The following STARD13 variants were observed in gnomAD, a reference collection of about 807,000 sequenced individuals.
STARD13 encodes the protein stAR-related lipid transfer protein 13.
In STARD13, 62 loss-of-function variants were observed where a neutral mutation model predicts 106.4. That is an observed-to-expected ratio of 0.58 (90% confidence interval 0.48 to 0.72). The LOEUF is 0.72. STARD13 is among the 30% of genes least tolerant of loss of function. STARD13 has a pLI of 0.00. For synonymous variants in STARD13, 565 were observed against 553.0 expected (o/e 1.02, Z -0.31); for missense variants, 1,387 against 1,424.0 (o/e 0.97, Z 0.42).
intron 1 of STARD13, chr13:33,277,920 T>C (rs1432181987): frequency 6.6e-6 from 1 of 152,236 alleles, no homozygotes; most frequent in Admixed American, 6.5e-5. Context: ...AGTTGACTTT[T>C]AAAGTATTTG....
chr13:33,214,255 T>G (rs1255765519), intron 1 of STARD13, among the ~76,000 whole-genome samples: 1 of 152,208 alleles, frequency 6.6e-6, no homozygotes, highest in Non-Finnish European at 1.5e-5. Context: ...GTTTTATATC[T>G]GACTGCTTTC....
intron 1 of STARD13, among the ~76,000 whole-genome samples, chr13:33,249,277 T>G (rs9527281): frequency 0.4 from 60,779 of 151,988 alleles, 12,466 homozygotes; most frequent in Admixed American, 0.46. Flanking sequence ...ACACACTAAC[T>G]CACGATGACT....
chr13:33,613,147 T>C, the STARD13 span, among the ~76,000 whole-genome samples: 19 of 152,170 alleles, frequency 1.2e-4, 1 homozygote, highest in African/African-American at 3.4e-4. Flanking sequence ...AAGCAGCCAA[T>C]AGGAATAAAA....
At position 33,110,804 on chromosome 13, in the gene STARD13, GC is replaced by G; in HGVS notation, c.2710del (p.Ala904GlnfsTer7). 6.2e-7 allele frequency: 1 copy of G among 1,614,094 alleles called. No homozygotes were observed. Among genetic ancestry groups the G allele is most frequent in the Non-Finnish European group, 8.5e-7 (1 of 1,179,982 alleles). ...ATGGTTCAGGTAAGTGTGGAAAGTT[GC>G]CCCACTCTCCTCCAGCTGTGTCCCC... The part of the protein sequence containing the change: ...ELGTQLEESG[A>X]TFHTYLNHLI... On this transcript the variant is annotated frameshift_variant, in exon 11 of 14. Coordinates refer to ENST00000336934, the MANE Select transcript of STARD13 (RefSeq NM_178006.4). LOFTEE classifies it high-confidence loss of function.
rs59617947 is a variant in STARD13, at chr13:33,187,855, G to A, written c.170-20233C>T. Among the ~76,000 whole-genome samples the A allele has an allele frequency of 4.7e-3, 715 of 152,172 alleles. 8 individuals are homozygous for A. The highest frequency in any genetic ancestry group is 0.016 in the African/African-American group (685 of 41,516). On this transcript the variant is annotated intron_variant, in intron 1 of 13. Transcript: ENST00000336934. Reference sequence around the variant, plus strand: ...GTGCCACCACACCCAGCTAATTTTTGTATTTTTTAGTAGAGACAGGGTTTT... The same window carrying A: ...GTGCCACCACACCCAGCTAATTTTTATATTTTTTAGTAGAGACAGGGTTTT...
the STARD13 span, among the ~76,000 whole-genome samples, chr13:33,358,216 A>G: frequency 1.3e-5 from 2 of 152,140 alleles, no homozygotes; most frequent in Admixed American, 6.5e-5. Context: ...CTGCCTTCCC[A>G]TGGGGCAGGG....
At chr13:33,404,302 A>G in the STARD13 span, among the ~76,000 whole-genome samples, 232 of 152,314 alleles carry the variant, frequency 1.5e-3, 3 homozygotes, top group East Asian at 0.034. Flanking sequence ...TTGCCTTTTA[A>G]AGTCTTTTTT....
chr13:33,167,557 A>G lies in STARD13; in HGVS notation c.235T>C (p.Tyr79His). 1 of 1,614,154 alleles carries G rather than the reference A, an allele frequency of 6.2e-7. No homozygotes were observed. Among genetic ancestry groups the G allele is most frequent in the Admixed American group, 1.7e-5 (1 of 60,032 alleles). ...AAGCGAAGGGCTGACGTACCCTCAT[A>G]TAACTGAGCGTATTGCGGGAACCCG... ...AAGFPQYAQLYEDSQFPINIV... is the reference protein window; with the variant it reads ...AAGFPQYAQLHEDSQFPINIV... The change falls in exon 2 of 14, where the codon TAT (tyrosine) becomes CAT (histidine). Residue 79 changes from tyrosine to histidine, a missense_variant. Tyr to His is a moderately conservative substitution (Grantham distance 83, BLOSUM62 2). Coordinates refer to ENST00000336934, the MANE Select transcript of STARD13 (RefSeq NM_178006.4).
At chr13:33,343,293 G>A (rs531781587) in intron 1 of STARD13, among the ~76,000 whole-genome samples, 8 of 151,112 alleles carry the variant, frequency 5.3e-5, no homozygotes, top group African/African-American at 1.9e-4. Context: ...AAAAAAATCT[G>A]GCTGGGCTCG....
At position 33,285,474 on chromosome 13, in the gene STARD13, T is replaced by C. The variant is rs1439874895; in HGVS notation, c.165A>G (p.Gln55=). 2.2e-5 allele frequency: 35 copies of C among 1,612,898 alleles called. No homozygotes were observed. The highest frequency in any genetic ancestry group is 2.9e-5 in the Non-Finnish European group (34 of 1,179,100). The part of the protein sequence containing the change: ...LARHQLVTKI[Q]QEIEAKEACD... ...CTTCCACTGCCGGCCACTCACCTTG[T>C]TGAATTTTAGTCACTAGCTGATGGC... is the stretch of plus-strand genomic sequence containing the variant. Residue 55 remains glutamine (Q), a synonymous_variant, in exon 1 of 14, where the codon CAA becomes CAG. Coordinates refer to ENST00000336934, the MANE Select transcript of STARD13 (RefSeq NM_178006.4).
intron 8 of STARD13, among the ~76,000 whole-genome samples, chr13:33,113,842 C>A (rs1407800826): frequency 1.3e-5 from 2 of 152,160 alleles, no homozygotes; most frequent in African/African-American, 4.8e-5. Context: ...TAGGTGCTGC[C>A]TTTTGCTGCT....
chr13:33,673,352 A>C, the STARD13 span, among the ~76,000 whole-genome samples: 1 of 152,150 alleles, frequency 6.6e-6, no homozygotes, highest in Non-Finnish European at 1.5e-5. Context: ...ATTTGTGGCC[A>C]TCTGAGAGGG....
At chr13:33,189,196 T>G (rs1468510425) in intron 1 of STARD13, among the ~76,000 whole-genome samples, 1 of 152,032 alleles carries the variant, frequency 6.6e-6, no homozygotes, top group Non-Finnish European at 1.5e-5. Flanking sequence ...TACTTTAATA[T>G]TTTTTGAGAG....
intron 1 of STARD13, among the ~76,000 whole-genome samples, chr13:33,329,410 A>T (rs1000364722): frequency 6.6e-6 from 1 of 152,042 alleles, no homozygotes; most frequent in African/African-American, 2.4e-5. Flanking sequence ...CCATTTTGGC[A>T]CCCTTTGACC....
intron 1 of STARD13, among the ~76,000 whole-genome samples, chr13:33,341,019 T>C: frequency 6.6e-6 from 1 of 152,204 alleles, no homozygotes; most frequent in Non-Finnish European, 1.5e-5. Flanking sequence ...AAAATGTTTG[T>C]CCTTCAACTC....
At chr13:33,414,594 A>C in the STARD13 span, among the ~76,000 whole-genome samples, 1 of 152,140 alleles carries the variant, frequency 6.6e-6, no homozygotes, top group Non-Finnish European at 1.5e-5. Flanking sequence ...GAAAAGAAAA[A>C]AATTACAGAA....
chr13:33,470,774 TG>T, the STARD13 span, among the ~76,000 whole-genome samples: 1 of 152,232 alleles, frequency 6.6e-6, no homozygotes, highest in African/African-American at 2.4e-5. Context: ...TGGGGTTGTT[TG>T]TTTTTTTCTT....
chr13:33,374,989 T>A, the STARD13 span, among the ~76,000 whole-genome samples: 2 of 152,192 alleles, frequency 1.3e-5, no homozygotes, highest in Non-Finnish European at 2.9e-5. Context: ...AATCCATACC[T>A]ACAAATTAGA....
intron 1 of STARD13, among the ~76,000 whole-genome samples, chr13:33,311,077 T>G (rs376153761): frequency 6.6e-6 from 1 of 151,268 alleles, no homozygotes; most frequent in African/African-American, 2.4e-5. Flanking sequence ...CAGGATCACT[T>G]AAGCCCAGAA....
Sources: gnomAD v4.1 joint callset for allele counts (sites outside exome capture counted in the v4.1 genomes callset) on GRCh38, gnomAD v4.1.1 for gene constraint, MANE v1.5 for transcripts, NCBI Gene and HGNC (gene_info 2026-07-23, HGNC 2026-07-21) for gene names.